MAP3K21: variants seen among roughly 807,000 people sequenced by gnomAD.
MAP3K21 encodes mitogen-activated protein kinase kinase kinase 21, also known as mitogen-activated protein kinase kinase kinase MLK4.
Under a neutral mutation model 86.1 loss-of-function variants are expected in MAP3K21, and 63 were observed. The ratio of observed to expected loss-of-function variants is 0.73; its 90% CI spans 0.60 to 0.90. MAP3K21 has a LOEUF of 0.90. Among genes scored for constraint, MAP3K21 ranks in the 40% least tolerant of loss-of-function variants. The probability of loss-of-function intolerance (pLI) is 0.00; values close to 1 mark genes in which losing one functional copy is unlikely to be tolerated. For missense variants in MAP3K21, 1,220 were observed against 1,367.7 expected, an observed-to-expected ratio of 0.89 and a Z score of 1.70; for synonymous variants, 558 against 564.8, an observed-to-expected ratio of 0.99 and a Z score of 0.17.
intron 7 of MAP3K21, 110 bp from the exon 8 acceptor site, chr1:233,376,320 A>T (rs997008423): frequency 1.9e-5 from 16 of 838,596 alleles, no homozygotes; most frequent in East Asian, 1.1e-4. Context: ...AACTGAGTAC[A>T]AATGTGTTCT....
chr1:233,382,211 T>C, intron 9 of MAP3K21, 94 bp from the exon 10 acceptor site: 2 of 1,094,878 alleles, frequency 1.8e-6, no homozygotes, highest in Admixed American at 4.6e-5. Flanking sequence ...GCTATCACTT[T>C]GTTGAATTGC....
Position 233,379,192 on chromosome 1 carries a change from T to C in MAP3K21, c.2186T>C (p.Leu729Pro), listed in dbSNP as rs1663857531. 3.1e-6 allele frequency: 5 copies of C among 1,614,102 alleles called. No individual in the cohort carries two copies. Among genetic ancestry groups the C allele is most frequent in the Non-Finnish European group, 4.2e-6 (5 of 1,180,048 alleles). ...TESALYGCTV[L>P]LASVALGLDL... ...TCAGCTCTGTATGGGTGCACCGTCC[T>C]TCTGGCATCGGTGGCTCTGGGACTG... is the stretch of plus-strand genomic sequence containing the variant. The change falls in exon 9 of 10, where the codon CTT (leucine) becomes CCT (proline). Residue 729 changes from leucine to proline, a missense_variant. By Grantham distance (98) the Leu-to-Pro change is moderately conservative. Transcript: ENST00000366624.
intron 1 of MAP3K21, among the ~76,000 whole-genome samples, chr1:233,333,082 T>C (rs1172762884): frequency 5.3e-5 from 8 of 152,240 alleles, no homozygotes; most frequent in Non-Finnish European, 8.8e-5. Flanking sequence ...AATTTTGTTT[T>C]AGCTTTTTTT....
chr1:233,344,127 G>A (rs116205157), intron 1 of MAP3K21, among the ~76,000 whole-genome samples: 2,116 of 152,238 alleles, frequency 0.014, 54 homozygotes, highest in African/African-American at 0.048. Flanking sequence ...GATACGAAGA[G>A]TCAAAATCAT....
chr1:233,328,205 G>A lies in MAP3K21; in HGVS notation c.177G>A (p.Leu59=). 7 of 1,487,838 alleles carry A rather than the reference G, an allele frequency of 4.7e-6. No individual in the cohort carries two copies. Among genetic ancestry groups the A allele is most frequent in the Non-Finnish European group, 6.2e-6 (7 of 1,127,146 alleles). The allele number at this position is 1,487,838 out of a possible 1,614,324, so 92.2% of individuals were successfully genotyped here. A position where few individuals can be genotyped will look rare whatever the true frequency, so the allele number is the denominator to read the frequency against. ...CTCGCGGCGAGGACGAGCTGAGCCT[G>A]CGGCGCGGCCAGCTGGTGGAGGTGC... The part of the protein sequence containing the change: ...YEARGEDELS[L]RRGQLVEVLS... Residue 59 remains leucine (L), a synonymous_variant, in exon 1 of 10, where the codon CTG becomes CTA. Transcript: ENST00000366624. This position sits in a 1 kb window ranked among gnomAD's most constrained non-coding sequence, Gnocchi z 8.7.
chr1:233,341,030 G>T (rs541782997), intron 1 of MAP3K21, among the ~76,000 whole-genome samples: 2 of 152,262 alleles, frequency 1.3e-5, no homozygotes, highest in South Asian at 4.1e-4. Context: ...GTGCCTCATG[G>T]TTGAATAAGT....
chr1:233,369,959 A>C (rs1175661840), intron 5 of MAP3K21, among the ~76,000 whole-genome samples: 1 of 152,162 alleles, frequency 6.6e-6, no homozygotes, highest in Non-Finnish European at 1.5e-5. Flanking sequence ...TTACAGTTTT[A>C]ATCTGTAACT....
At chr1:233,333,034 TTGGAGC>T (rs1344549983) in intron 1 of MAP3K21, among the ~76,000 whole-genome samples, 1 of 152,218 alleles carries the variant, frequency 6.6e-6, no homozygotes, top group African/African-American at 2.4e-5. Context: ...GAAATGCCAT[TTGGAGC>T]TCTTACTATG....
rs1572247159 is a variant in MAP3K21, at chr1:233,354,103, T to C, written c.1135+148T>C. On this transcript the variant is annotated intron_variant, in intron 3 of 9. Transcript: ENST00000366624. ...AGTATTTTAAGAATTGGAAACCTAG[T>C]CTTTGATCTGGAATGTCTGGTAAAG... 7 of 1,001,206 alleles carry C rather than the reference T, an allele frequency of 7.0e-6. No homozygotes were observed. In the East Asian group the frequency reaches 2.0e-4, roughly 29 times the overall value. 62.0% of individuals were successfully genotyped at this position (1,001,206 alleles called of 1,614,324 possible). A position where few individuals can be genotyped will look rare whatever the true frequency, so the allele number is the denominator to read the frequency against.
intron 2 of MAP3K21, among the ~76,000 whole-genome samples, chr1:233,350,153 C>T (rs1663221688): frequency 6.6e-6 from 1 of 152,132 alleles, no homozygotes; most frequent in Admixed American, 6.5e-5. Flanking sequence ...TAAAGCATCT[C>T]TAGATTACTT....
chr1:233,339,542 G>A (rs973104199), intron 1 of MAP3K21, among the ~76,000 whole-genome samples: 7 of 148,750 alleles, frequency 4.7e-5, no homozygotes, highest in African/African-American at 1.2e-4. Context: ...GTGCAGCAGT[G>A]CTATCACAGC....
intron 9 of MAP3K21, among the ~76,000 whole-genome samples, chr1:233,381,730 C>T (rs1182637928): frequency 1.3e-5 from 2 of 152,102 alleles, no homozygotes. Context: ...ACTTATAAGC[C>T]AATAATTATT....
At chr1:233,377,273 C>T (rs551889862) in intron 8 of MAP3K21, among the ~76,000 whole-genome samples, 22 of 152,246 alleles carry the variant, frequency 1.4e-4, no homozygotes, top group East Asian at 3.9e-4. Context: ...ACTTCAAGCA[C>T]GGTTACTAAC....
chr1:233,347,373 T>A (rs1663166066), intron 2 of MAP3K21, among the ~76,000 whole-genome samples: 1 of 152,214 alleles, frequency 6.6e-6, no homozygotes, highest in South Asian at 2.1e-4. Flanking sequence ...CAGGTTATTT[T>A]GACTTTCCAT....
chr1:233,334,232 A>T (rs1354016189), intron 1 of MAP3K21, among the ~76,000 whole-genome samples: 1 of 149,334 alleles, frequency 6.7e-6, no homozygotes, highest in East Asian at 1.9e-4. Context: ...AAACTCCTGG[A>T]GTCAAGCCAT....
intron 5 of MAP3K21, among the ~76,000 whole-genome samples, chr1:233,366,414 A>G (rs1318801828): frequency 6.6e-6 from 1 of 152,228 alleles, no homozygotes; most frequent in Admixed American, 6.5e-5. Context: ...CTCTGACTTG[A>G]TCATTATATA....
At position 233,328,696 on chromosome 1, in the gene MAP3K21, C is replaced by A; in HGVS notation, c.668C>A (p.Ala223Glu). The A allele has an allele frequency of 7.3e-7, 1 of 1,366,258 alleles. No homozygotes were observed. Among genetic ancestry groups the A allele is most frequent in the South Asian group, 1.8e-5 (1 of 54,538 alleles). The allele number at this position is 1,366,258 out of a possible 1,614,324, so 84.6% of individuals were successfully genotyped here. A position where few individuals can be genotyped will look rare whatever the true frequency, so the allele number is the denominator to read the frequency against. ...GCCAACGCCGCCCCGGACCCGCGCG[C>A]GCCCGGCCCCCGCCGCGCGCGCCGC... Reference protein sequence around the residue: ...AAANAAPDPRAPGPRRARRIP... With the variant: ...AAANAAPDPREPGPRRARRIP... Residue 223 changes from alanine (A) to glutamate (E), a missense_variant, in exon 1 of 10, where the codon GCG (alanine) becomes GAG (glutamate). Around this residue, in one of 5 missense-constraint regions of MAP3K21, gnomAD observed 369 missense variants for 385.3 expected, o/e 0.96. Transcript: ENST00000366624. This position sits in a 1 kb window ranked among gnomAD's most constrained non-coding sequence, Gnocchi z 8.7.
chr1:233,359,529 T>A (rs1276313035), intron 4 of MAP3K21, among the ~76,000 whole-genome samples: 1 of 152,226 alleles, frequency 6.6e-6, no homozygotes, highest in Non-Finnish European at 1.5e-5. Flanking sequence ...AGACTTGGAA[T>A]TAATGGTGAG....
chr1:233,347,427 C>T (rs1663168518), intron 2 of MAP3K21, among the ~76,000 whole-genome samples: 1 of 151,984 alleles, frequency 6.6e-6, no homozygotes, highest in African/African-American at 2.4e-5. Context: ...TACAAAATAA[C>T]AAAGAAAAAT....
Sources: allele counts gnomAD v4.1 joint callset (sites outside exome capture counted in the v4.1 genomes callset), GRCh38; gene constraint gnomAD v4.1.1; regional missense constraint gnomAD v4.1.1; non-coding constraint Gnocchi (gnomAD v3.1); transcripts MANE v1.5; gene names NCBI Gene and HGNC (gene_info 2026-07-23, HGNC 2026-07-21).